CEP112: variants seen among roughly 807,000 people sequenced by gnomAD.
CEP112 encodes centrosomal protein of 112 kDa.
In CEP112, 127 loss-of-function variants were observed where a neutral mutation model predicts 153.0. The observed-to-expected ratio is 0.83, with a 90% CI of 0.72 to 0.96. The LOEUF is 0.96. Ranked by LOEUF, CEP112 falls within the 40% of genes least tolerant of loss-of-function variation. The pLI is 0.00. For synonymous variants in CEP112, 358 were observed against 374.4 expected, an observed-to-expected ratio of 0.96 and a Z score of 0.51; for missense variants, 1,089 against 1,101.2, an observed-to-expected ratio of 0.99 and a Z score of 0.16.
At chr17:66,060,309 G>A (rs1598263786) in intron 11 of CEP112, among the ~76,000 whole-genome samples, 1 of 151,954 alleles carries the variant, frequency 6.6e-6, no homozygotes. Context: ...TTTAAAAAAT[G>A]AAATAAAGTA....
chr17:65,766,295 AGTT>A (rs1474484307), intron 21 of CEP112, among the ~76,000 whole-genome samples: 1 of 135,138 alleles, frequency 7.4e-6, no homozygotes, highest in Non-Finnish European at 1.6e-5. Context: ...GAAAAAATTA[AGTT>A]GTTATCAGTG....
chr17:66,034,919 C>T (rs902885223), intron 12 of CEP112, among the ~76,000 whole-genome samples: 5 of 148,268 alleles, frequency 3.4e-5, no homozygotes, highest in African/African-American at 4.9e-5. Context: ...ATGCTTCAGT[C>T]TCCCAAGTAG....
At chr17:65,902,967 C>A (rs2059930731) in intron 19 of CEP112, 2 of 152,278 alleles carry the variant, frequency 1.3e-5, no homozygotes, top group South Asian at 4.1e-4. Context: ...CCACTCCACA[C>A]TGGAGACTGT....
intron 17 of CEP112, among the ~76,000 whole-genome samples, chr17:65,971,561 T>C (rs12943484): frequency 0.41 from 62,969 of 152,124 alleles, 14,446 homozygotes; most frequent in East Asian, 0.87. Context: ...GTTACATGTG[T>C]GTTGTATGTA....
chr17:66,069,974 C>T lies in CEP112; in HGVS notation c.796G>A (p.Ala266Thr), dbSNP rs2067252633. ...TTAAGCTTTTCTTCATGAAATTTAG[C>T]TTCCATCATTTTTGTTTTCATGTCC... Reference protein sequence around the residue: ...ELDMKTKMMEAKFHEEKLKLQ... With the variant: ...ELDMKTKMMETKFHEEKLKLQ... The change falls in exon 9 of 27, where the codon GCT (alanine) becomes ACT (threonine). Residue 266 changes from alanine (A) to threonine (T), a missense_variant. Coordinates refer to ENST00000535342, the MANE Select transcript of CEP112 (RefSeq NM_001199165.4). The T allele has an allele frequency of 1.2e-6, 2 of 1,606,110 alleles. No homozygotes were observed. The highest frequency in any genetic ancestry group is 1.7e-6 in the Non-Finnish European group (2 of 1,175,484).
intron 21 of CEP112, among the ~76,000 whole-genome samples, chr17:65,811,500 T>A (rs2055952235): frequency 1.3e-5 from 2 of 152,160 alleles, no homozygotes; most frequent in Non-Finnish European, 2.9e-5. Context: ...TGTTAAAGAC[T>A]CTAGTCATAC....
At chr17:65,711,489 A>G (rs2049182282) in intron 23 of CEP112, among the ~76,000 whole-genome samples, 1 of 152,218 alleles carries the variant, frequency 6.6e-6, no homozygotes. Context: ...CTATTTTATC[A>G]CAACTGGGGA....
At chr17:65,661,170 C>T (rs748411578) in intron 24 of CEP112, among the ~76,000 whole-genome samples, 17 of 152,136 alleles carry the variant, frequency 1.1e-4, no homozygotes, top group Non-Finnish European at 1.9e-4. Flanking sequence ...CTGTTTTGTG[C>T]TCCTCTGCGC....
intron 12 of CEP112, among the ~76,000 whole-genome samples, chr17:66,035,858 T>C (rs928257537): frequency 3.3e-5 from 5 of 152,112 alleles, no homozygotes; most frequent in African/African-American, 4.8e-5. Flanking sequence ...ATAAAACAGC[T>C]TGCCACTGCA....
chr17:66,119,854 G>A (rs141329061), intron 6 of CEP112, among the ~76,000 whole-genome samples: 272 of 152,234 alleles, frequency 1.8e-3, no homozygotes, highest in African/African-American at 6.1e-3. Flanking sequence ...AGAGGTGAGG[G>A]TTCCAGTTGC....
At chr17:65,811,168 T>C (rs1216146969) in intron 21 of CEP112, among the ~76,000 whole-genome samples, 1 of 152,172 alleles carries the variant, frequency 6.6e-6, no homozygotes, top group Non-Finnish European at 1.5e-5. Context: ...TTAGATACTG[T>C]AGTAGAGTAC....
At chr17:66,053,584 C>T in intron 12 of CEP112, 152 bp downstream of exon 12, 1 of 621,970 alleles carries the variant, frequency 1.6e-6, no homozygotes. Context: ...CTGTCCATGG[C>T]CACACATAAA....
At chr17:65,670,720 C>T (rs988538512) in intron 24 of CEP112, among the ~76,000 whole-genome samples, 7 of 152,030 alleles carry the variant, frequency 4.6e-5, no homozygotes, top group Non-Finnish European at 8.8e-5. Flanking sequence ...CAGTATACAC[C>T]GAACCAAAAA....
chr17:65,703,551 T>A (rs1220321423), intron 23 of CEP112, among the ~76,000 whole-genome samples: 1 of 146,026 alleles, frequency 6.8e-6, no homozygotes, highest in Non-Finnish European at 1.5e-5. Context: ...CTAAGGTTCC[T>A]AGAGGCTACT....
chr17:65,858,079 C>T (rs749827050), intron 20 of CEP112, among the ~76,000 whole-genome samples: 11 of 152,046 alleles, frequency 7.2e-5, no homozygotes, highest in Non-Finnish European at 1.5e-4. Flanking sequence ...TGATTACATA[C>T]GTTATTTTTA....
intron 18 of CEP112, among the ~76,000 whole-genome samples, chr17:65,932,162 AG>A (rs1283487725): frequency 6.6e-6 from 1 of 152,204 alleles, no homozygotes; most frequent in Non-Finnish European, 1.5e-5. Context: ...AACAGGCAGC[AG>A]CCCCTCGTAA....
chr17:65,878,592 G>A (rs2058931575), intron 20 of CEP112, among the ~76,000 whole-genome samples: 1 of 152,158 alleles, frequency 6.6e-6, no homozygotes, highest in Non-Finnish European at 1.5e-5. Context: ...CAATATCGAG[G>A]TGTTGAGGAA....
At chr17:65,806,434 T>C (rs1238188458) in intron 21 of CEP112, among the ~76,000 whole-genome samples, 1 of 152,234 alleles carries the variant, frequency 6.6e-6, no homozygotes, top group Non-Finnish European at 1.5e-5. Flanking sequence ...TCAATGCAAC[T>C]GTGTTAAGAA....
intron 20 of CEP112, among the ~76,000 whole-genome samples, chr17:65,859,780 G>C (rs556101090): frequency 6.7e-6 from 1 of 150,328 alleles, no homozygotes; most frequent in South Asian, 2.1e-4. Flanking sequence ...AGGCCAAGGC[G>C]GGCAGATCAC....
Sources: gnomAD v4.1 joint callset for allele counts (sites outside exome capture counted in the v4.1 genomes callset) on GRCh38, gnomAD v4.1.1 for gene constraint, MANE v1.5 for transcripts, NCBI Gene and HGNC (gene_info 2026-07-23, HGNC 2026-07-21) for gene names.